ARHGAP28: variants seen among roughly 807,000 people sequenced by gnomAD.
ARHGAP28 encodes rho GTPase-activating protein 28.
ARHGAP28 carries 56 observed loss-of-function variants against 90.7 expected under a neutral mutation model. The ratio of observed to expected loss-of-function variants is 0.62; its 90% CI spans 0.50 to 0.77. The LOEUF is 0.77. Among genes scored for constraint, ARHGAP28 ranks in the 30% least tolerant of loss-of-function variants. The probability of loss-of-function intolerance (pLI) is 0.00; values close to 1 mark genes in which losing one functional copy is unlikely to be tolerated. For missense variants in ARHGAP28, 869 were observed against 900.9 expected (o/e 0.96, Z 0.45); for synonymous variants, 308 against 323.3 (o/e 0.95, Z 0.51).
At chr18:6,843,298 C>T (rs754491850) in intron 3 of ARHGAP28, among the ~76,000 whole-genome samples, 11 of 152,104 alleles carry the variant, frequency 7.2e-5, no homozygotes, top group African/African-American at 1.2e-4. Context: ...TAACTACTGC[C>T]GCTCTTCAGT....
intron 1 of ARHGAP28, among the ~76,000 whole-genome samples, chr18:6,824,423 G>T (rs912560385): frequency 4.3e-4 from 65 of 152,138 alleles, no homozygotes; most frequent in African/African-American, 1.5e-3. Context: ...TGTAATCCCA[G>T]CTACTCGGGA....
intron 1 of ARHGAP28, among the ~76,000 whole-genome samples, chr18:6,783,242 G>GT (rs1338121312): frequency 1.3e-5 from 2 of 150,880 alleles, no homozygotes; most frequent in East Asian, 1.9e-4. Context: ...ACTCACTGCA[G>GT]TTTTTTTTCC....
At chr18:6,841,049 T>C (rs2056804070) in intron 3 of ARHGAP28, among the ~76,000 whole-genome samples, 1 of 151,936 alleles carries the variant, frequency 6.6e-6, no homozygotes, top group Non-Finnish European at 1.5e-5. Flanking sequence ...CAGTTTTCTA[T>C]TTGAATTTGA....
chr18:6,896,708 T>C, intron 16 of ARHGAP28, 82 bp downstream of exon 16: 1 of 1,521,900 alleles, frequency 6.6e-7, no homozygotes, highest in Non-Finnish European at 8.9e-7. Flanking sequence ...TTTACAAATT[T>C]GACCTTTTGT....
At chr18:6,730,305 C>G (rs996870697) in intron 1 of ARHGAP28, among the ~76,000 whole-genome samples, 1 of 150,528 alleles carries the variant, frequency 6.6e-6, no homozygotes, top group African/African-American at 2.5e-5. Flanking sequence ...GAAACACAAG[C>G]AGCACATGAA....
At chr18:6,862,210 C>T (rs1309603164) in intron 5 of ARHGAP28, among the ~76,000 whole-genome samples, 2 of 152,048 alleles carry the variant, frequency 1.3e-5, no homozygotes, top group African/African-American at 4.8e-5. Context: ...CCACAGGGAC[C>T]CCAGTTTGAT....
rs972467031 is a variant in ARHGAP28 at position 6,875,958 on chromosome 18, G to C, written c.1213-173G>C. On this transcript the variant is annotated intron_variant, in intron 9 of 17. Transcript: ENST00000383472. ...ATCTCTACTTTCTCATTTGCATGTC[G>C]GAGGATAACGTTGACGTCATAGGAT... is the stretch of plus-strand genomic sequence containing the variant. 7.2e-5 allele frequency among the ~76,000 whole-genome samples: 11 copies of C among 152,240 alleles called. 1 individual carries two copies. Among genetic ancestry groups the C allele is most frequent in the Admixed American group, 2.0e-4 (3 of 15,288 alleles).
At chr18:6,732,942 G>A (rs1382155349) in intron 1 of ARHGAP28, among the ~76,000 whole-genome samples, 2 of 151,774 alleles carry the variant, frequency 1.3e-5, no homozygotes, top group African/African-American at 4.8e-5. Context: ...ATCAGAAGCG[G>A]ACAAACAAAA....
intron 1 of ARHGAP28, among the ~76,000 whole-genome samples, chr18:6,815,452 A>T (rs753972897): frequency 6.6e-6 from 1 of 152,212 alleles, no homozygotes; most frequent in Non-Finnish European, 1.5e-5. Context: ...TAATTCTCAT[A>T]CATTTTTAAA....
intron 3 of ARHGAP28, among the ~76,000 whole-genome samples, chr18:6,841,157 TTCTCTCTCTCCTCTCTCTCTCTCC>T (rs1420153749): frequency 3.8e-4 from 27 of 70,318 alleles, no homozygotes; most frequent in Admixed American, 3.4e-3. Flanking sequence ...TCTCTCCTCT[TTCTCTCTCTCCTCTCTCTCTCTCC>T]TCTCTCTCTC....
intron 1 of ARHGAP28, among the ~76,000 whole-genome samples, chr18:6,787,266 G>T (rs1600183804): frequency 7.2e-6 from 1 of 139,270 alleles, no homozygotes; most frequent in Non-Finnish European, 1.6e-5. Flanking sequence ...CCTTGTAAAT[G>T]TATTTTGAGG....
chr18:6,816,307 A>G (rs2056590296), intron 1 of ARHGAP28, among the ~76,000 whole-genome samples: 1 of 152,164 alleles, frequency 6.6e-6, no homozygotes, highest in Admixed American at 6.5e-5. Context: ...ACATGTTAGA[A>G]TCCAAAGATT....
At chr18:6,899,193 G>A (rs1017121529) in intron 16 of ARHGAP28, among the ~76,000 whole-genome samples, 7 of 152,066 alleles carry the variant, frequency 4.6e-5, no homozygotes, top group South Asian at 4.2e-4. Context: ...TCAGACCCCC[G>A]TGTGTTTAAG....
chr18:6,901,321 G>A (rs2057337003), intron 16 of ARHGAP28, among the ~76,000 whole-genome samples: 1 of 152,092 alleles, frequency 6.6e-6, no homozygotes, highest in African/African-American at 2.4e-5. Flanking sequence ...TGTATGTAGA[G>A]GACACACTTA....
chr18:6,752,638 C>T (rs998089388), intron 1 of ARHGAP28, among the ~76,000 whole-genome samples: 6 of 151,876 alleles, frequency 4.0e-5, no homozygotes, highest in African/African-American at 1.5e-4. Flanking sequence ...ATGAGAAAGA[C>T]CATGTCTAAG....
intron 1 of ARHGAP28, among the ~76,000 whole-genome samples, chr18:6,774,888 C>T (rs544674657): frequency 6.6e-6 from 1 of 152,280 alleles, no homozygotes; most frequent in African/African-American, 2.4e-5. Flanking sequence ...CTGCATCTGT[C>T]CATTTCTTCT....
At chr18:6,752,215 G>A (rs533388107) in intron 1 of ARHGAP28, among the ~76,000 whole-genome samples, 1 of 152,242 alleles carries the variant, frequency 6.6e-6, no homozygotes, top group Non-Finnish European at 1.5e-5. Context: ...CTACTGAGCC[G>A]TGTTTTTTAT....
intron 15 of ARHGAP28, among the ~76,000 whole-genome samples, chr18:6,895,989 G>C (rs1309340436): frequency 6.6e-6 from 1 of 152,126 alleles, no homozygotes; most frequent in Admixed American, 6.5e-5. Context: ...ACACTGCCCT[G>C]CAGTGTTTTC....
At chr18:6,864,682 A>ATTAT (rs1386689082) in intron 5 of ARHGAP28, among the ~76,000 whole-genome samples, 2 of 151,854 alleles carry the variant, frequency 1.3e-5, no homozygotes, top group African/African-American at 4.8e-5. Context: ...AAACTTTATT[A>ATTAT]TTATTTATTT....
Sources: gnomAD v4.1 joint callset for allele counts (sites outside exome capture counted in the v4.1 genomes callset) on GRCh38, gnomAD v4.1.1 for gene constraint, MANE v1.5 for transcripts, NCBI Gene and HGNC (gene_info 2026-07-23, HGNC 2026-07-21) for gene names.